The following ADGRV1 variants were observed in gnomAD, a reference collection of about 807,000 sequenced individuals.
The protein encoded by ADGRV1 is adhesion G protein-coupled receptor V1, also known as G-protein coupled receptor 98.
ADGRV1 carries 359 observed loss-of-function variants against 596.2 expected under a neutral mutation model. The observed-to-expected ratio is 0.60, with a 90% CI of 0.55 to 0.66. The LOEUF is 0.66. ADGRV1 is among the 30% of genes least tolerant of loss of function. The probability of loss-of-function intolerance (pLI) is 0.00; values close to 1 mark genes in which losing one functional copy is unlikely to be tolerated. For missense variants in ADGRV1, 7,274 were observed against 7,575.6 expected, an observed-to-expected ratio of 0.96 and a Z score of 1.48; for synonymous variants, 2,681 against 2,679.2, an observed-to-expected ratio of 1.00 and a Z score of -0.02.
intron 83 of ADGRV1, among the ~76,000 whole-genome samples, chr5:90,936,292 TCA>T (rs1023804401): frequency 6.6e-6 from 1 of 151,860 alleles, no homozygotes; most frequent in East Asian, 1.9e-4. Flanking sequence ...TTCTCCTCTC[TCA>T]CACACACACA....
Position 90,635,155 on chromosome 5 carries a change from A to G in ADGRV1, c.1881A>G (p.Pro627=), listed in dbSNP as rs1580533488. ...TGTTAAACATAATTCCTCTAATCCC[A>G]CCCATAAGCCCTAGATTTGGGGAAA... The part of the protein sequence containing the change: ...VELLNIIPLI[P]PISPRFGEIC... The change falls in exon 10 of 90, where the codon CCA becomes CCG. Residue 627 remains proline (P), a synonymous_variant. Transcript: ENST00000405460. 6.2e-7 allele frequency: 1 copy of G among 1,608,892 alleles called. No homozygotes were observed. The highest frequency in any genetic ancestry group is 8.5e-7 in the Non-Finnish European group (1 of 1,175,492).
At chr5:90,861,844 T>G (rs1767611072) in intron 82 of ADGRV1, among the ~76,000 whole-genome samples, 1 of 152,174 alleles carries the variant, frequency 6.6e-6, no homozygotes, top group African/African-American at 2.4e-5. Context: ...TCTTTAAATT[T>G]TAGGTATTCA....
chr5:90,941,171 C>G (rs1439825534), intron 83 of ADGRV1, among the ~76,000 whole-genome samples: 1 of 151,166 alleles, frequency 6.6e-6, no homozygotes, highest in African/African-American at 2.4e-5. Flanking sequence ...TAACACCATC[C>G]AAAGCAAATA....
At chr5:90,565,419 A>G (rs1479165629) in intron 1 of ADGRV1, among the ~76,000 whole-genome samples, 3 of 152,184 alleles carry the variant, frequency 2.0e-5, no homozygotes, top group Non-Finnish European at 2.9e-5. Context: ...GGCATTTTGT[A>G]TAAATGGAAT....
At chr5:90,984,134 G>T (rs1030329089) in intron 84 of ADGRV1, among the ~76,000 whole-genome samples, 1 of 151,962 alleles carries the variant, frequency 6.6e-6, no homozygotes, top group Non-Finnish European at 1.5e-5. Flanking sequence ...TGCAACTGAG[G>T]CTCTGAAAAT....
rs397998676 is a variant in ADGRV1 at position 91,028,732 on chromosome 5, G to GTTTTTTT, written c.18152+43227_18152+43233dup. Among the ~76,000 whole-genome samples, 10 of 95,906 alleles carry GTTTTTTT rather than the reference G, an allele frequency of 1.0e-4. 1 individual carries two copies. Among genetic ancestry groups the GTTTTTTT allele is most frequent in the Non-Finnish European group, 1.9e-4 (10 of 52,222 alleles). 62.9% of individuals were successfully genotyped at this position (95,906 alleles called of 152,430 possible). ...AGTCCAAGTGAAAACACTAGACTCT[G>GTTTTTTT]TTTTTTTTTTTTTTTTTTTTTTTAG... On this transcript the variant is annotated intron_variant, in intron 85 of 89. Transcript: ENST00000405460.
chr5:91,010,031 G>A (rs1782596486), intron 85 of ADGRV1, among the ~76,000 whole-genome samples: 1 of 151,946 alleles, frequency 6.6e-6, no homozygotes, highest in African/African-American at 2.4e-5. Context: ...GGGTTACTCT[G>A]GTAATTACTC....
chr5:90,946,015 A>G (rs1479327316), intron 83 of ADGRV1, among the ~76,000 whole-genome samples: 1 of 152,128 alleles, frequency 6.6e-6, no homozygotes, highest in East Asian at 1.9e-4. Context: ...GGGAGGGACA[A>G]TTAGCAGACT....
At chr5:91,075,813 A>C (rs553761468) in intron 86 of ADGRV1, among the ~76,000 whole-genome samples, 2,439 of 152,222 alleles carry the variant, frequency 0.016, 71 homozygotes, top group African/African-American at 0.055. Context: ...CCCCAAAAAA[A>C]AGTCCAGTCC....
chr5:90,842,854 A>C (rs1402671948), intron 78 of ADGRV1, among the ~76,000 whole-genome samples: 6 of 152,206 alleles, frequency 3.9e-5, no homozygotes, highest in Non-Finnish European at 7.3e-5. Context: ...TTTTTTAAAA[A>C]TAGTATGATA....
chr5:90,679,592 G>A lies in ADGRV1; in HGVS notation c.5487G>A (p.Gly1829=), dbSNP rs1214699285. ...TTGATGGAAGTGGTAGTGGTGATGG[G>A]GACATGGAATTCTTCCTTCCAACTA... is the stretch of plus-strand genomic sequence containing the variant. ...FRVDGSGSGD[G]DMEFFLPTIH... Residue 1829 remains glycine (G), a synonymous_variant, in exon 26 of 90, where the codon GGG becomes GGA. Transcript: ENST00000405460. The A allele has an allele frequency of 6.2e-7, 1 of 1,613,626 alleles. No homozygotes were observed. The highest frequency in any genetic ancestry group is 8.5e-7 in the Non-Finnish European group (1 of 1,179,718).
At position 90,637,905 on chromosome 5, in the gene ADGRV1, G is replaced by A. The variant is rs759264514; in HGVS notation, c.2197G>A (p.Asp733Asn). Residue 733 changes from aspartate (D) to asparagine (N), a missense_variant, in exon 11 of 90, where the codon GAC becomes AAC. By Grantham distance (23) the Asp-to-Asn change is conservative. This residue lies in a region of ADGRV1 where 1,715 missense variants were observed against 1,708.8 expected (regional missense o/e 1.00). Coordinates refer to ENST00000405460, the MANE Select transcript of ADGRV1 (RefSeq NM_032119.4). ...TTINITIKGDDIPEMNETVTL... is the reference protein window; with the variant it reads ...TTINITIKGDNIPEMNETVTL... Reference sequence around the variant, plus strand: ...AATCAACATTACTATCAAAGGTGATGACATACCGGAAATGAATGAAACTGT... The same window carrying A: ...AATCAACATTACTATCAAAGGTGATAACATACCGGAAATGAATGAAACTGT... 1.2e-6 allele frequency: 2 copies of A among 1,613,470 alleles called. No homozygotes were observed. Among genetic ancestry groups the A allele is most frequent in the South Asian group, 1.1e-5 (1 of 91,054 alleles).
At chr5:90,639,903 A>G (rs777805230) in intron 11 of ADGRV1, among the ~76,000 whole-genome samples, 51 of 152,186 alleles carry the variant, frequency 3.4e-4, no homozygotes, top group South Asian at 1.0e-3. Flanking sequence ...AAAATAGTTA[A>G]CAGTTTATTG....
chr5:91,041,299 T>C (rs1581873102), intron 85 of ADGRV1, among the ~76,000 whole-genome samples: 1 of 152,114 alleles, frequency 6.6e-6, no homozygotes, highest in African/African-American at 2.4e-5. Context: ...TGGAATACTA[T>C]GCAGCCATAA....
intron 86 of ADGRV1, among the ~76,000 whole-genome samples, chr5:91,080,646 A>G (rs1033068152): frequency 2.0e-5 from 3 of 150,508 alleles, no homozygotes; most frequent in Non-Finnish European, 4.4e-5. Context: ...TTACTCCTTC[A>G]TCTTCTACTT....
intron 77 of ADGRV1, among the ~76,000 whole-genome samples, chr5:90,831,218 T>A (rs1178481869): frequency 7.1e-6 from 1 of 141,744 alleles, no homozygotes. Flanking sequence ...TTATAATAAA[T>A]CTCTCTCTCT....
intron 85 of ADGRV1, among the ~76,000 whole-genome samples, chr5:91,033,194 T>G (rs1253838726): frequency 6.6e-6 from 1 of 152,218 alleles, no homozygotes; most frequent in East Asian, 1.9e-4. Context: ...TTGTATGGTT[T>G]TTAAAATACA....
At chr5:90,747,889 C>G (rs963730272) in intron 52 of ADGRV1, among the ~76,000 whole-genome samples, 1 of 152,124 alleles carries the variant, frequency 6.6e-6, no homozygotes, top group African/African-American at 2.4e-5. Flanking sequence ...CCTGCATAAG[C>G]CCATTAGCAT....
intron 84 of ADGRV1, among the ~76,000 whole-genome samples, chr5:90,969,855 G>A (rs762171105): frequency 2.6e-5 from 4 of 152,192 alleles, no homozygotes; most frequent in African/African-American, 4.8e-5. Context: ...TTCATCTCAC[G>A]GGGCCTGATC....
Sources: allele counts gnomAD v4.1 joint callset (sites outside exome capture counted in the v4.1 genomes callset), GRCh38; gene constraint gnomAD v4.1.1; regional missense constraint gnomAD v4.1.1; transcripts MANE v1.5; gene names NCBI Gene and HGNC (gene_info 2026-07-23, HGNC 2026-07-21).